Variants in CCDC77 observed in about 807,000 individuals in gnomAD.
CCDC77 encodes coiled-coil domain containing 77.
A neutral mutation model predicts 66.8 loss-of-function variants in CCDC77; 56 were observed. The observed-to-expected ratio is 0.84, with a 90% CI of 0.68 to 1.05. The LOEUF is 1.05. Ranked by LOEUF, CCDC77 falls within the 50% of genes least tolerant of loss-of-function variation. The probability of loss-of-function intolerance (pLI) is 0.00; values close to 1 mark genes in which losing one functional copy is unlikely to be tolerated. For missense variants in CCDC77, 570 were observed against 576.8 expected, an observed-to-expected ratio of 0.99 and a Z score of 0.12; for synonymous variants, 196 against 195.2, an observed-to-expected ratio of 1.00 and a Z score of -0.03.
chr12:411,827 C>A lies in CCDC77; in HGVS notation c.119C>A (p.Thr40Asn). ...RRGMADSLES[T>N]PLPSPEDRLA... is the part of the protein sequence containing the mutation. ...GGAATGGCAGATTCACTGGAGTCAA[C>A]CCCCTTGCCTTCCCCCGAAGATCGT... is the stretch of plus-strand genomic sequence containing the variant. Residue 40 changes from threonine (T) to asparagine (N), a missense_variant, in exon 4 of 13, where the codon ACC (threonine) becomes AAC (asparagine). Physicochemically the swap from Thr to Asn is moderately conservative, Grantham distance 65 (BLOSUM62 0). Transcript: ENST00000239830. The A allele has an allele frequency of 1.2e-6, 2 of 1,613,952 alleles. No homozygotes were observed. Among genetic ancestry groups the A allele is most frequent in the Non-Finnish European group, 1.7e-6 (2 of 1,179,998 alleles).
chr12:439,462 G>T (rs1316777728), intron 10 of CCDC77, among the ~76,000 whole-genome samples: 1 of 151,544 alleles, frequency 6.6e-6, no homozygotes, highest in African/African-American at 2.4e-5. Context: ...AGAGGTTGCA[G>T]TGAGCTGAGA....
intron 4 of CCDC77, among the ~76,000 whole-genome samples, chr12:415,409 TGTTGA>T (rs1323610420): frequency 2.6e-5 from 2 of 76,958 alleles, no homozygotes; most frequent in Admixed American, 1.3e-4. Flanking sequence ...CAACATAATA[TGTTGA>T]TATTATTAAC....
chr12:423,152 A>T (rs1193274506), intron 5 of CCDC77, among the ~76,000 whole-genome samples: 11 of 98,720 alleles, frequency 1.1e-4, no homozygotes, highest in Admixed American at 1.7e-4. Context: ...ACAGGGTCTC[A>T]CTCTGTCACC....
At chr12:440,146 G>C (rs1945833094) in intron 10 of CCDC77, among the ~76,000 whole-genome samples, 3 of 152,232 alleles carry the variant, frequency 2.0e-5, no homozygotes. Context: ...TCATCGTATG[G>C]AGTGTGAACT....
intron 4 of CCDC77, among the ~76,000 whole-genome samples, chr12:413,773 G>A (rs1945165377): frequency 1.3e-5 from 2 of 151,444 alleles, no homozygotes; most frequent in Admixed American, 1.3e-4. Context: ...GATTACAGGT[G>A]CACGCCACCA....
At chr12:422,690 A>T (rs1945427092) in intron 5 of CCDC77, among the ~76,000 whole-genome samples, 1 of 152,208 alleles carries the variant, frequency 6.6e-6, no homozygotes, top group African/African-American at 2.4e-5. Flanking sequence ...AGCTCACTGT[A>T]ACCTCCGCCT....
chr12:426,598 G>C (rs988987427), intron 5 of CCDC77, among the ~76,000 whole-genome samples: 8 of 152,160 alleles, frequency 5.3e-5, no homozygotes, highest in African/African-American at 1.4e-4. Flanking sequence ...TGGAGGTACT[G>C]TCCCCCACCT....
At chr12:417,477 G>GCTT (rs1451003068) in intron 4 of CCDC77, among the ~76,000 whole-genome samples, 1 of 152,130 alleles carries the variant, frequency 6.6e-6, no homozygotes, top group Non-Finnish European at 1.5e-5. Flanking sequence ...CACCATGCAT[G>GCTT]CTTTCATGAA....
chr12:427,433 C>T (rs534975259), intron 5 of CCDC77, among the ~76,000 whole-genome samples: 4 of 151,608 alleles, frequency 2.6e-5, no homozygotes, highest in South Asian at 2.1e-4. Context: ...CATATCAAGT[C>T]GCTCTGAAAT....
intron 9 of CCDC77, chr12:436,870 G>C (rs10774190): frequency 0.49 from 202,547 of 410,038 alleles, 50,314 homozygotes; most frequent in African/African-American, 0.53. Context: ...CAAGCCTATA[G>C]TTTCCCAGTT....
chr12:428,041 G>A (rs1945567820), intron 5 of CCDC77, among the ~76,000 whole-genome samples: 1 of 152,094 alleles, frequency 6.6e-6, no homozygotes, highest in Non-Finnish European at 1.5e-5. Context: ...ACTGGATATG[G>A]GCTGTCCCTG....
intron 2 of CCDC77, among the ~76,000 whole-genome samples, chr12:408,636 G>T (rs1436722278): frequency 6.6e-6 from 1 of 151,958 alleles, no homozygotes; most frequent in Non-Finnish European, 1.5e-5. Context: ...TGAGTAGCAG[G>T]GACTATAGGT....
chr12:411,697 CAT>C (rs770027750), intron 3 of CCDC77, 48 bp from the exon 4 acceptor site: 2 of 1,445,466 alleles, frequency 1.4e-6, no homozygotes, highest in African/African-American at 1.4e-5. Flanking sequence ...AGTTATAACT[CAT>C]AAACTTTCGC....
intron 4 of CCDC77, among the ~76,000 whole-genome samples, chr12:416,108 A>G (rs956935853): frequency 1.1e-4 from 17 of 151,040 alleles, no homozygotes; most frequent in Non-Finnish European, 3.0e-5. Flanking sequence ...ACCCTGCCCA[A>G]TTTTTTATTT....
chr12:397,653 C>T (rs1400075720), upstream of CCDC77, among the ~76,000 whole-genome samples: 1 of 146,346 alleles, frequency 6.8e-6, no homozygotes, highest in East Asian at 2.0e-4. Context: ...ATTTAAAATG[C>T]TTTTTTTTTT....
At chr12:415,321 A>T (rs142409038) in intron 4 of CCDC77, among the ~76,000 whole-genome samples, 1,646 of 71,958 alleles carry the variant, frequency 0.023, 89 homozygotes, top group East Asian at 0.11. Context: ...ATGTTAATAT[A>T]ATCAACATAA....
At chr12:406,789 A>G (rs2137539157) in intron 2 of CCDC77, among the ~76,000 whole-genome samples, 1 of 152,320 alleles carries the variant, frequency 6.6e-6, no homozygotes, top group African/African-American at 2.4e-5. Context: ...TCTACTAAAA[A>G]TACAAAAATT....
intron 2 of CCDC77, among the ~76,000 whole-genome samples, chr12:408,449 TAAAG>T (rs1945040960): frequency 1.3e-5 from 2 of 152,174 alleles, no homozygotes; most frequent in Non-Finnish European, 2.9e-5. Context: ...GTACGCGAAA[TAAAG>T]ATAGCATCAG....
At chr12:426,911 G>A (rs1188765855) in intron 5 of CCDC77, among the ~76,000 whole-genome samples, 2 of 152,182 alleles carry the variant, frequency 1.3e-5, no homozygotes, top group East Asian at 3.9e-4. Context: ...CTGTGGTGTC[G>A]CAGGGTCTTA....
Sources: gnomAD v4.1 joint callset for allele counts (sites outside exome capture counted in the v4.1 genomes callset) on GRCh38, gnomAD v4.1.1 for gene constraint, MANE v1.5 for transcripts, NCBI Gene and HGNC (gene_info 2026-07-23, HGNC 2026-07-21) for gene names.